ZFHX3: variants seen among roughly 807,000 people sequenced by gnomAD.
ZFHX3 encodes the protein zinc finger homeobox protein 3.
In ZFHX3, 42 loss-of-function variants were observed where a neutral mutation model predicts 279.1. The observed-to-expected ratio is 0.15, with a 90% CI of 0.12 to 0.19. The LOEUF (loss-of-function observed/expected upper bound fraction) is 0.19, where lower values mean the gene tolerates loss of function less well. ZFHX3 is among the 10% of genes least tolerant of loss of function. The pLI is 1.00. For missense variants in ZFHX3, 4,981 were observed against 4,754.0 expected, an observed-to-expected ratio of 1.05 and a Z score of -1.40; for synonymous variants, 2,293 against 1,957.8, an observed-to-expected ratio of 1.17 and a Z score of -4.52.
intron 2 of ZFHX3, among the ~76,000 whole-genome samples, chr16:73,492,206 A>G (rs1567500239): frequency 6.6e-6 from 1 of 152,044 alleles, no homozygotes; most frequent in Admixed American, 6.6e-5. Flanking sequence ...CTTTAGTGCC[A>G]TTGGCCTTCA....
At chr16:72,979,135 T>C (rs185065717) in intron 1 of ZFHX3, among the ~76,000 whole-genome samples, 78 of 152,244 alleles carry the variant, frequency 5.1e-4, no homozygotes, top group African/African-American at 1.7e-3. Flanking sequence ...TGTGATGGGC[T>C]ACTTTACTCT....
chr16:72,849,690 G>C (rs561035443), intron 4 of ZFHX3, among the ~76,000 whole-genome samples: 1 of 151,868 alleles, frequency 6.6e-6, no homozygotes, highest in African/African-American at 2.4e-5. Flanking sequence ...TGTAACAAGC[G>C]TTCTTATTGG....
At chr16:72,997,987 T>C (rs1481584115) in intron 1 of ZFHX3, among the ~76,000 whole-genome samples, 1 of 151,954 alleles carries the variant, frequency 6.6e-6, no homozygotes, top group Non-Finnish European at 1.5e-5. Context: ...GAGGCTGGGA[T>C]AGGAGAATTG....
At chr16:73,857,501 C>T (rs1961765290) in intron 1 of ZFHX3, among the ~76,000 whole-genome samples, 1 of 152,140 alleles carries the variant, frequency 6.6e-6, no homozygotes, top group African/African-American at 2.4e-5. Context: ...TCTTAGACCT[C>T]CTTATTACAC....
At chr16:73,685,174 C>T (rs1042833970) in intron 1 of ZFHX3, among the ~76,000 whole-genome samples, 9 of 151,518 alleles carry the variant, frequency 5.9e-5, no homozygotes, top group Non-Finnish European at 1.0e-4. Flanking sequence ...GCCACCACGC[C>T]CCTGGCTAAT....
chr16:73,019,651 C>A (rs941770662), intron 1 of ZFHX3, among the ~76,000 whole-genome samples: 8 of 152,210 alleles, frequency 5.3e-5, no homozygotes, highest in Non-Finnish European at 8.8e-5. Flanking sequence ...AGGGCATGAA[C>A]CTGGAGATTG....
At chr16:73,524,185 C>T (rs1476154563) in intron 2 of ZFHX3, among the ~76,000 whole-genome samples, 1 of 152,148 alleles carries the variant, frequency 6.6e-6, no homozygotes, top group East Asian at 1.9e-4. Flanking sequence ...GTGCACCTAC[C>T]ATGTGCAAGG....
At chr16:73,564,562 A>G (rs966556171) in intron 2 of ZFHX3, among the ~76,000 whole-genome samples, 1 of 152,048 alleles carries the variant, frequency 6.6e-6, no homozygotes, top group South Asian at 2.1e-4. Context: ...TCTTCCACCC[A>G]TCTTCCTGCA....
chr16:72,833,177 G>A (rs2037105067), intron 4 of ZFHX3, among the ~76,000 whole-genome samples: 1 of 152,200 alleles, frequency 6.6e-6, no homozygotes, highest in East Asian at 1.9e-4. Flanking sequence ...GGAAACACGT[G>A]GGAACCAGGG....
chr16:73,003,955 T>G (rs1405468724), intron 1 of ZFHX3, among the ~76,000 whole-genome samples: 6 of 151,386 alleles, frequency 4.0e-5, no homozygotes, highest in African/African-American at 1.5e-4. Context: ...TTTTTTTTTT[T>G]TTTCCACTTA....
At chr16:73,736,321 C>T in intron 1 of ZFHX3, among the ~76,000 whole-genome samples, 1 of 152,316 alleles carries the variant, frequency 6.6e-6, no homozygotes, top group South Asian at 2.1e-4. Context: ...ATGGACCAAA[C>T]TTCCAGCTCC....
rs896149446 is a variant in ZFHX3, at chr16:73,337,903, G to T, written c.-1290-19567C>A. 1.0e-3 allele frequency among the ~76,000 whole-genome samples: 122 copies of T among 122,326 alleles called. 6 individuals are homozygous for T. Among genetic ancestry groups the T allele is most frequent in the African/African-American group, 3.5e-3 (116 of 33,462 alleles). 80.3% of individuals were successfully genotyped at this position (122,326 alleles called of 152,430 possible). On this transcript the variant is annotated intron_variant, in intron 3 of 17. Transcript: ENST00000641206. ...TCATCTTCCCTTGGCGGGGGGGGGG[G>T]TCCTCATCCCCTTTTTATGCCCATC...
At chr16:73,139,292 G>T (rs1966840114) in intron 6 of ZFHX3, among the ~76,000 whole-genome samples, 1 of 152,106 alleles carries the variant, frequency 6.6e-6, no homozygotes, top group Admixed American at 6.5e-5. Context: ...ATGGTATATT[G>T]TTGCAGACAG....
At chr16:73,186,385 C>A (rs892945553) in intron 5 of ZFHX3, among the ~76,000 whole-genome samples, 2 of 152,058 alleles carry the variant, frequency 1.3e-5, no homozygotes, top group Non-Finnish European at 2.9e-5. Context: ...ACCCCCCTCA[C>A]CTAGCTCACT....
chr16:72,911,202 G>C lies in ZFHX3; in HGVS notation c.3217-21240C>G, dbSNP rs537248153. ...CGAGAATGAGTGTAGCTTCACAAGG[G>C]AAGCCAGCTTAATTCTGCCACAGGA... is the stretch of plus-strand genomic sequence containing the variant. On this transcript the variant is annotated intron_variant, in intron 3 of 9. Transcript: ENST00000268489. Among the ~76,000 whole-genome samples, 15 of 152,322 alleles carry C rather than the reference G, an allele frequency of 9.8e-5. No homozygotes were observed. In the South Asian group the frequency reaches 3.1e-3, roughly 32 times the overall value.
chr16:73,431,537 T>C (rs2017912257), intron 3 of ZFHX3, among the ~76,000 whole-genome samples: 1 of 152,124 alleles, frequency 6.6e-6, no homozygotes, highest in African/African-American at 2.4e-5. Context: ...GGAGACGCTG[T>C]CTCAAGAAAA....
intron 1 of ZFHX3, among the ~76,000 whole-genome samples, chr16:73,777,023 C>G (rs990435620): frequency 1.3e-5 from 2 of 152,180 alleles, no homozygotes; most frequent in African/African-American, 2.4e-5. Context: ...CTCCCATGAA[C>G]GTAGAGGAGG....
intron 7 of ZFHX3, among the ~76,000 whole-genome samples, chr16:73,120,650 CT>C (rs1174733016): frequency 0.059 from 6,525 of 109,688 alleles, 53 homozygotes; most frequent in Middle Eastern, 0.076. Flanking sequence ...TCCTCTCTAC[CT>C]TTTTTTTTTT....
chr16:73,002,032 C>A (rs1963514959), intron 1 of ZFHX3, among the ~76,000 whole-genome samples: 1 of 152,088 alleles, frequency 6.6e-6, no homozygotes, highest in South Asian at 2.1e-4. Flanking sequence ...ACCTAACAGT[C>A]ATGCCCCCAA....
Sources: allele counts gnomAD v4.1 joint callset (sites outside exome capture counted in the v4.1 genomes callset), GRCh38; gene constraint gnomAD v4.1.1; transcripts MANE v1.5; gene names NCBI Gene and HGNC (gene_info 2026-07-23, HGNC 2026-07-21).